CREM: variants seen among roughly 807,000 people sequenced by gnomAD.
The protein encoded by CREM is cAMP-responsive element modulator.
Under a neutral mutation model 37.3 loss-of-function variants are expected in CREM, and 13 were observed. That is an observed-to-expected ratio of 0.35 (90% CI 0.23 to 0.55). The LOEUF (loss-of-function observed/expected upper bound fraction) is 0.55, where lower values mean the gene tolerates loss of function less well. Ranked by LOEUF, CREM falls within the 20% of genes least tolerant of loss-of-function variation. The pLI is 0.88. For missense variants in CREM, 296 were observed against 362.3 expected, an observed-to-expected ratio of 0.82 and a Z score of 1.49; for synonymous variants, 124 against 120.2, an observed-to-expected ratio of 1.03 and a Z score of -0.21.
intron 5 of CREM, 71 bp from the exon 6 acceptor site, chr10:35,188,129 A>T (rs2094732408): frequency 1.4e-6 from 2 of 1,411,772 alleles, no homozygotes; most frequent in African/African-American, 1.4e-5. Context: ...CCCAGAGTAT[A>T]TTCTTCCAAT....
At chr10:35,134,035 A>G (rs1158225860) in intron 1 of CREM, among the ~76,000 whole-genome samples, 1 of 151,708 alleles carries the variant, frequency 6.6e-6, no homozygotes, top group Non-Finnish European at 1.5e-5. Flanking sequence ...TAATTTAACC[A>G]CAGCAGGTAA....
At chr10:35,147,966 A>G (rs1013631105) in intron 2 of CREM, among the ~76,000 whole-genome samples, 2 of 152,196 alleles carry the variant, frequency 1.3e-5, no homozygotes, top group African/African-American at 4.8e-5. Context: ...GCTAGGTAAA[A>G]ACAGTACAGG....
intron 1 of CREM, among the ~76,000 whole-genome samples, chr10:35,137,220 T>C (rs1386940561): frequency 6.6e-6 from 1 of 152,232 alleles, no homozygotes; most frequent in African/African-American, 2.4e-5. Context: ...ATTGCTACAG[T>C]GTCTAAACTA....
At chr10:35,140,639 T>C (rs2091289220) in intron 2 of CREM, among the ~76,000 whole-genome samples, 1 of 152,212 alleles carries the variant, frequency 6.6e-6, no homozygotes, top group South Asian at 2.1e-4. Context: ...TATTATATGC[T>C]ACACAAGTGT....
intron 6 of CREM, chr10:35,195,261 T>A: frequency 6.2e-7 from 1 of 1,610,326 alleles, no homozygotes; most frequent in Non-Finnish European, 8.5e-7. Flanking sequence ...CAGATTGTTT[T>A]GAAGTTTAGG....
chr10:35,152,482 A>G (rs994093230), intron 3 of CREM: 1 of 152,154 alleles, frequency 6.6e-6, no homozygotes, highest in African/African-American at 2.4e-5. Flanking sequence ...AAACAAAATC[A>G]CGGTGGTGGT....
chr10:35,185,034 C>CATTT, intron 5 of CREM, among the ~76,000 whole-genome samples: 1 of 1,026 alleles, frequency 9.7e-4, no homozygotes, highest in East Asian at 0.019. Flanking sequence ...AAATGATAGC[C>CATTT]ATTCATTCAT....
chr10:35,181,886 C>CA (rs942467827), intron 5 of CREM, among the ~76,000 whole-genome samples: 10 of 151,562 alleles, frequency 6.6e-5, no homozygotes, highest in South Asian at 2.1e-4. Context: ...AAACAACAAA[C>CA]AAAAAAAACA....
intron 3 of CREM, among the ~76,000 whole-genome samples, chr10:35,150,790 C>T (rs935498270): frequency 9.2e-5 from 14 of 151,926 alleles, no homozygotes; most frequent in Admixed American, 2.6e-4. Flanking sequence ...CACTTCACTC[C>T]GGCCTGGGTG....
intron 3 of CREM, among the ~76,000 whole-genome samples, chr10:35,175,006 G>A (rs1355621321): frequency 6.6e-6 from 1 of 152,220 alleles, no homozygotes; most frequent in Non-Finnish European, 1.5e-5. Flanking sequence ...GACACCAGGG[G>A]CTTGAAAGGT....
intron 5 of CREM, among the ~76,000 whole-genome samples, chr10:35,184,195 TA>T (rs1185218549): frequency 6.6e-6 from 1 of 152,304 alleles, no homozygotes; most frequent in East Asian, 1.9e-4. Context: ...CCTAGCAGTT[TA>T]AGACCAGCTA....
intron 5 of CREM, among the ~76,000 whole-genome samples, chr10:35,185,483 C>CT (rs908997998): frequency 6.6e-6 from 1 of 152,134 alleles, no homozygotes; most frequent in African/African-American, 2.4e-5. Flanking sequence ...TGACATCAAA[C>CT]TAATTATCAA....
intron 3 of CREM, among the ~76,000 whole-genome samples, chr10:35,161,743 A>C (rs2093309228): frequency 6.6e-6 from 1 of 152,124 alleles, no homozygotes. Context: ...TCCTCTTGTT[A>C]GGTTGGTTAT....
At chr10:35,154,687 A>G (rs1182578222) in intron 3 of CREM, 2 of 152,208 alleles carry the variant, frequency 1.3e-5, no homozygotes, top group African/African-American at 4.8e-5. Flanking sequence ...AAAAATGAAC[A>G]AAGGATGGAA....
intron 1 of CREM, among the ~76,000 whole-genome samples, chr10:35,129,727 T>C (rs2088931496): frequency 1.3e-5 from 2 of 152,208 alleles, no homozygotes; most frequent in African/African-American, 4.8e-5. Context: ...TTTACAACCA[T>C]TGATATTTTT....
At chr10:35,153,441 C>T (rs1239281136) in intron 3 of CREM, among the ~76,000 whole-genome samples, 1 of 151,978 alleles carries the variant, frequency 6.6e-6, no homozygotes, top group African/African-American at 2.4e-5. Flanking sequence ...TGTCATTATA[C>T]CTAGTTAAGT....
intron 6 of CREM, among the ~76,000 whole-genome samples, chr10:35,190,482 T>C (rs997389152): frequency 1.6e-4 from 25 of 152,324 alleles, no homozygotes; most frequent in African/African-American, 6.0e-4. Context: ...TTCATCTTTT[T>C]CTGAATCCCA....
chr10:35,139,420 A>T (rs547021155), intron 2 of CREM, among the ~76,000 whole-genome samples: 1 of 152,154 alleles, frequency 6.6e-6, no homozygotes, highest in Non-Finnish European at 1.5e-5. Flanking sequence ...ATGCCCAGCC[A>T]CCATTTTAGC....
chr10:35,180,973 T>C (rs1034263399), intron 5 of CREM, among the ~76,000 whole-genome samples: 1 of 152,224 alleles, frequency 6.6e-6, no homozygotes. Context: ...GAAATGACAC[T>C]AAGACTTCTC....
Sources: gnomAD v4.1 joint callset for allele counts (sites outside exome capture counted in the v4.1 genomes callset) on GRCh38, gnomAD v4.1.1 for gene constraint, MANE v1.5 for transcripts, NCBI Gene and HGNC (gene_info 2026-07-23, HGNC 2026-07-21) for gene names.